Variants in TMEM132D observed in about 807,000 individuals in gnomAD.
TMEM132D encodes the protein transmembrane protein 132D, also known as mature OL transmembrane protein.
TMEM132D carries 21 observed loss-of-function variants against 62.3 expected under a neutral mutation model. That is an observed-to-expected ratio of 0.34 (90% CI 0.24 to 0.49). The LOEUF is 0.49. Among genes scored for constraint, TMEM132D ranks in the 20% least tolerant of loss-of-function variants. The pLI is 0.99. For missense variants in TMEM132D, 1,346 were observed against 1,402.8 expected (o/e 0.96, Z 0.65); for synonymous variants, 621 against 575.6 (o/e 1.08, Z -1.13).
At chr12:129,315,405 G>A (rs1271869176) in intron 4 of TMEM132D, among the ~76,000 whole-genome samples, 1 of 152,122 alleles carries the variant, frequency 6.6e-6, no homozygotes, top group African/African-American at 2.4e-5. Context: ...AGATGATTAT[G>A]TGATTTTTGT....
intron 2 of TMEM132D, among the ~76,000 whole-genome samples, chr12:129,637,919 C>A (rs917854115): frequency 6.6e-6 from 1 of 152,150 alleles, no homozygotes; most frequent in African/African-American, 2.4e-5. Context: ...TGGTACTAAA[C>A]CATTCATGGA....
chr12:129,518,580 CAT>C (rs1426562176), intron 3 of TMEM132D, among the ~76,000 whole-genome samples: 3 of 144,724 alleles, frequency 2.1e-5, no homozygotes, highest in Admixed American at 1.5e-4. Context: ...CACACACACA[CAT>C]ATATATAAAA....
At chr12:129,329,478 C>T (rs1342514652) in intron 4 of TMEM132D, among the ~76,000 whole-genome samples, 3 of 152,084 alleles carry the variant, frequency 2.0e-5, no homozygotes, top group African/African-American at 7.2e-5. Context: ...TAAAAAGAGC[C>T]AAGAATCTGC....
intron 4 of TMEM132D, among the ~76,000 whole-genome samples, chr12:129,326,813 A>G (rs546493732): frequency 1.3e-4 from 20 of 152,352 alleles, no homozygotes; most frequent in African/African-American, 4.3e-4. Flanking sequence ...ACCAATACAC[A>G]TATTTTAAAA....
intron 2 of TMEM132D, among the ~76,000 whole-genome samples, chr12:129,604,583 G>C (rs915813463): frequency 6.6e-6 from 1 of 152,144 alleles, no homozygotes; most frequent in Non-Finnish European, 1.5e-5. Flanking sequence ...ATCATTTCCA[G>C]ACCTGACCCA....
chr12:129,881,237 C>CA (rs1309934287), intron 1 of TMEM132D, among the ~76,000 whole-genome samples: 5 of 151,694 alleles, frequency 3.3e-5, no homozygotes, highest in African/African-American at 4.8e-5. Context: ...TAAAGAGAAA[C>CA]AAAAAAATCC....
chr12:129,434,043 G>T (rs7135692), intron 3 of TMEM132D, among the ~76,000 whole-genome samples: 2,099 of 152,304 alleles, frequency 0.014, 53 homozygotes, highest in African/African-American at 0.047. Context: ...CTTTCGCAGG[G>T]AAACAGGCTG....
intron 5 of TMEM132D, among the ~76,000 whole-genome samples, chr12:129,171,121 A>T (rs1250196024): frequency 6.6e-6 from 1 of 152,226 alleles, no homozygotes; most frequent in East Asian, 1.9e-4. Flanking sequence ...CTACTTAATG[A>T]ACTAAACTTA....
At position 129,796,329 on chromosome 12, in the gene TMEM132D, T is replaced by C. The variant is rs1471303495; in HGVS notation, c.80-95631A>G. Among the ~76,000 whole-genome samples, 8 of 152,196 alleles carry C rather than the reference T, an allele frequency of 5.3e-5. No homozygotes were observed. The East Asian group carries it at 1.5e-3, about 29-fold the overall frequency. ...TACTCATTTGTTCCAATTTTTGTTTTTATTTTTTAAAAAAGTTAACCTACG... is the reference window on the plus strand; with the variant it reads ...TACTCATTTGTTCCAATTTTTGTTTCTATTTTTTAAAAAAGTTAACCTACG... On this transcript the variant is annotated intron_variant, in intron 1 of 8. Transcript: ENST00000422113.
intron 2 of TMEM132D, among the ~76,000 whole-genome samples, chr12:129,578,705 C>A (rs1352980918): frequency 6.6e-6 from 1 of 151,990 alleles, no homozygotes; most frequent in Admixed American, 6.6e-5. Flanking sequence ...CTAATGGTGT[C>A]GTTTCTGGGC....
chr12:129,841,689 C>A (rs936434292), intron 1 of TMEM132D, among the ~76,000 whole-genome samples: 3 of 152,128 alleles, frequency 2.0e-5, no homozygotes, highest in African/African-American at 7.2e-5. Flanking sequence ...AACTCAACGA[C>A]GAAGTTGTGA....
At chr12:129,154,826 C>T (rs1877186288) in intron 5 of TMEM132D, among the ~76,000 whole-genome samples, 1 of 152,130 alleles carries the variant, frequency 6.6e-6, no homozygotes, top group Non-Finnish European at 1.5e-5. Flanking sequence ...TGTCCACAGA[C>T]CCAGAGCATT....
intron 3 of TMEM132D, among the ~76,000 whole-genome samples, chr12:129,343,936 CA>C (rs1247969089): frequency 6.6e-6 from 1 of 151,846 alleles, no homozygotes; most frequent in Non-Finnish European, 1.5e-5. Context: ...GACCCTGTCT[CA>C]AAAAAATGAA....
intron 2 of TMEM132D, among the ~76,000 whole-genome samples, chr12:129,635,958 A>G (rs1023644397): frequency 6.6e-6 from 1 of 152,246 alleles, no homozygotes; most frequent in Non-Finnish European, 1.5e-5. Flanking sequence ...GCTGAGGACA[A>G]TTACAGGGCA....
At chr12:129,628,064 A>T (rs1267187922) in intron 2 of TMEM132D, among the ~76,000 whole-genome samples, 1 of 152,256 alleles carries the variant, frequency 6.6e-6, no homozygotes, top group African/African-American at 2.4e-5. Flanking sequence ...AAGTGTTTTA[A>T]GACTAAATTG....
At chr12:129,466,282 T>TTTTTTTC (rs1420119840) in intron 3 of TMEM132D, among the ~76,000 whole-genome samples, 1 of 352 alleles carries the variant, frequency 2.8e-3, no homozygotes, top group African/African-American at 5.0e-3. Context: ...ATTTTTCCTT[T>TTTTTTTC]TTTTTTTTTT....
chr12:129,381,498 G>A (rs923199003), intron 3 of TMEM132D, among the ~76,000 whole-genome samples: 1 of 152,128 alleles, frequency 6.6e-6, no homozygotes, highest in Non-Finnish European at 1.5e-5. Context: ...CTTCCAGAGA[G>A]CCTACTGCCA....
chr12:129,711,728 CAAAAA>C (rs1333520514), intron 1 of TMEM132D, among the ~76,000 whole-genome samples: 4 of 45,426 alleles, frequency 8.8e-5, no homozygotes, highest in Non-Finnish European at 2.1e-4. Context: ...ATTCCATCTC[CAAAAA>C]AAAAAAAAAA....
chr12:129,247,864 GTT>G (rs34018738), intron 4 of TMEM132D, among the ~76,000 whole-genome samples: 11,273 of 145,802 alleles, frequency 0.077, 635 homozygotes, highest in East Asian at 0.22. Flanking sequence ...CAATGAGCAG[GTT>G]TTTTTTTTTT....
Sources: allele counts gnomAD v4.1 joint callset (sites outside exome capture counted in the v4.1 genomes callset), GRCh38; gene constraint gnomAD v4.1.1; transcripts MANE v1.5; gene names NCBI Gene and HGNC (gene_info 2026-07-23, HGNC 2026-07-21).